UBE2O: variants seen among roughly 807,000 people sequenced by gnomAD.
UBE2O encodes the protein (E3-independent) E2 ubiquitin-conjugating enzyme.
UBE2O carries 15 observed loss-of-function variants against 125.8 expected under a neutral mutation model. The ratio of observed to expected loss-of-function variants is 0.12; its 90% confidence interval spans 0.08 to 0.18. The LOEUF (loss-of-function observed/expected upper bound fraction) is 0.18, where lower values mean the gene tolerates loss of function less well. Among genes scored for constraint, UBE2O ranks in the 10% least tolerant of loss-of-function variants. The probability of loss-of-function intolerance (pLI) is 1.00; values close to 1 mark genes in which losing one functional copy is unlikely to be tolerated. For synonymous variants in UBE2O, 708 were observed against 703.2 expected, an observed-to-expected ratio of 1.01 and a Z score of -0.11; for missense variants, 1,280 against 1,723.6, an observed-to-expected ratio of 0.74 and a Z score of 4.56.
chr17:76,447,387 G>A (rs1013137240), intron 1 of UBE2O, among the ~76,000 whole-genome samples: 1 of 152,216 alleles, frequency 6.6e-6, no homozygotes, highest in Non-Finnish European at 1.5e-5. Flanking sequence ...TGTTGTGAGC[G>A]TGAAGTAAAA....
At chr17:76,416,038 T>C (rs1598601685) in intron 1 of UBE2O, among the ~76,000 whole-genome samples, 1 of 135,116 alleles carries the variant, frequency 7.4e-6, no homozygotes. Context: ...CGTATATATG[T>C]GTGTGTACAT....
At chr17:76,418,351 G>A (rs1298289769) in intron 1 of UBE2O, among the ~76,000 whole-genome samples, 1 of 152,182 alleles carries the variant, frequency 6.6e-6, no homozygotes, top group Non-Finnish European at 1.5e-5. Context: ...AACTGTACTT[G>A]GACTATAGGA....
intron 1 of UBE2O, among the ~76,000 whole-genome samples, chr17:76,414,134 T>A (rs1486769960): frequency 6.6e-6 from 1 of 152,066 alleles, no homozygotes; most frequent in Non-Finnish European, 1.5e-5. Context: ...GGGCCTCACA[T>A]GCTTGGGGGA....
In UBE2O at chr17:76,400,034, G is replaced by A; in HGVS notation, c.1155+113C>T. The A allele has an allele frequency of 4.6e-6, 7 of 1,526,868 alleles. No homozygotes were observed. Among genetic ancestry groups the A allele is most frequent in the East Asian group, 4.5e-5 (2 of 44,292 alleles). The allele number at this position is 1,526,868 out of a possible 1,614,324, so 94.6% of individuals were successfully genotyped here. A position where few individuals can be genotyped will look rare whatever the true frequency, so the allele number is the denominator to read the frequency against. ...TGTATACACCTGAGTAGCCGGCAAG[G>A]GTCATCAGGGCTGCCCCCCAAGGCC... On this transcript the variant is annotated intron_variant, in intron 8 of 17. Transcript: ENST00000319380. This position sits in a 1 kb window ranked among gnomAD's most constrained non-coding sequence, Gnocchi z 4.3.
At position 76,398,547 on chromosome 17, in the gene UBE2O, T is replaced by A; in HGVS notation, c.1821A>T (p.Val607=). The A allele has an allele frequency of 1.2e-6, 2 of 1,614,030 alleles. No homozygotes were observed. The highest frequency in any genetic ancestry group is 1.7e-5 in the Admixed American group (1 of 60,008). ...SCPDPAVYGV[V]QSGDHIGRTC... ...TACGGCCGATGTGGTCCCCAGACTG[T>A]ACCACACCGTAGACAGCAGGGTCTG... Residue 607 remains valine, a synonymous_variant, in exon 11 of 18, where the codon GTA becomes GTT. Coordinates refer to ENST00000319380, the MANE Select transcript of UBE2O (RefSeq NM_022066.4). This position sits in a 1 kb window ranked among gnomAD's most constrained non-coding sequence, Gnocchi z 5.4.
chr17:76,416,089 A>G (rs1340089121), intron 1 of UBE2O, among the ~76,000 whole-genome samples: 2 of 151,700 alleles, frequency 1.3e-5, no homozygotes, highest in African/African-American at 4.9e-5. Flanking sequence ...ACATATGTAC[A>G]TACATGTATA....
Position 76,398,007 on chromosome 17 carries a change from C to T in UBE2O, c.2026-119G>A. On this transcript the variant is annotated intron_variant, in intron 12 of 17. Coordinates refer to ENST00000319380, the MANE Select transcript of UBE2O (RefSeq NM_022066.4). The surrounding 1 kb of genome is among the most constrained non-coding windows in gnomAD (Gnocchi z 5.4). ...CTGGCTTGTGACAAGGAACTTAGCT[C>T]CTCTGGTAAATGTAACCAGCGGCAG... is the stretch of plus-strand genomic sequence containing the variant. 8.5e-7 allele frequency: 1 copy of T among 1,170,468 alleles called. No homozygotes were observed. The highest frequency in any genetic ancestry group is 2.4e-5 in the East Asian group (1 of 41,344). The allele number at this position is 1,170,468 out of a possible 1,614,324, so 72.5% of individuals were successfully genotyped here.
Position 76,405,147 on chromosome 17 carries a change from G to T in UBE2O, c.588+59C>A. 2.2e-6 allele frequency: 3 copies of T among 1,335,104 alleles called. No individual in the cohort carries two copies. The highest frequency in any genetic ancestry group is 3.1e-6 in the Non-Finnish European group (3 of 952,964). 82.7% of individuals were successfully genotyped at this position (1,335,104 alleles called of 1,614,324 possible). A position where few individuals can be genotyped will look rare whatever the true frequency, so the allele number is the denominator to read the frequency against. ...CGGAGGAGGCTGTAGCCCAGAGGTC[G>T]TGCCGCCGAGAGAACCAGAGGGCCC... On this transcript the variant is annotated intron_variant, in intron 3 of 17. Coordinates refer to ENST00000319380, the MANE Select transcript of UBE2O (RefSeq NM_022066.4). The surrounding 1 kb of genome is among the most constrained non-coding windows in gnomAD (Gnocchi z 6.1).
chr17:76,420,779 C>G (rs938726998), intron 1 of UBE2O, among the ~76,000 whole-genome samples: 14 of 152,154 alleles, frequency 9.2e-5, no homozygotes, highest in African/African-American at 3.4e-4. Context: ...GTTGGTCCTG[C>G]CAGCATTCAA....
In UBE2O at chr17:76,391,338, C is replaced by A. The variant is rs142843663; in HGVS notation, c.3484G>T (p.Val1162Leu). Residue 1162 changes from valine to leucine, a missense_variant, in exon 18 of 18, where the codon GTG (valine) becomes TTG (leucine). Physicochemically the swap from Val to Leu is conservative, Grantham distance 32 (BLOSUM62 1). Transcript: ENST00000319380. This position sits in a 1 kb window ranked among gnomAD's most constrained non-coding sequence, Gnocchi z 8.4. ...LEKAQALPNG[V>L]PKASSSPEPP... ...TCTGGCGAGCTGCTGGCCTTGGGCA[C>A]CCCGTTGGGCAGTGCCTGGGCCTTC... is the stretch of plus-strand genomic sequence containing the variant. 160 of 1,613,022 alleles carry A rather than the reference C, an allele frequency of 9.9e-5. No homozygotes were observed. Among genetic ancestry groups the A allele is most frequent in the African/African-American group, 2.8e-4 (21 of 74,928 alleles).
chr17:76,414,228 C>T (rs1388558304), intron 1 of UBE2O, among the ~76,000 whole-genome samples: 1 of 152,186 alleles, frequency 6.6e-6, no homozygotes, highest in Non-Finnish European at 1.5e-5. Context: ...TCATGAGCTA[C>T]GGAAGCCATT....
chr17:76,436,225 C>G (rs1016476559), intron 1 of UBE2O, among the ~76,000 whole-genome samples: 27 of 151,938 alleles, frequency 1.8e-4, no homozygotes, highest in African/African-American at 6.3e-4. Context: ...CCAGCCTGGG[C>G]AACAAGAGCA....
intron 1 of UBE2O, among the ~76,000 whole-genome samples, chr17:76,411,901 T>C (rs2072523343): frequency 6.6e-6 from 1 of 152,126 alleles, no homozygotes; most frequent in Non-Finnish European, 1.5e-5. Context: ...CAGGCTGTTC[T>C]TGAACTCCTG....
At chr17:76,419,900 A>G (rs2143799124) in intron 1 of UBE2O, among the ~76,000 whole-genome samples, 1 of 152,356 alleles carries the variant, frequency 6.6e-6, no homozygotes, top group East Asian at 1.9e-4. Flanking sequence ...ATGCCGGCAG[A>G]AGGAGGCATG....
chr17:76,452,939 C>T lies in UBE2O; in HGVS notation c.203G>A (p.Gly68Asp). ...RLLFSHDLVS[G>D]RYRGSVHFGL... ...GAAGTGCACGGAGCCACGGTAACGG[C>T]CCGACACCAGGTCGTGAGAAAACAG... The change falls in exon 1 of 18, where the codon GGC becomes GAC. Residue 68 changes from glycine (G) to aspartate (D), a missense_variant. Gly to Asp is a moderately conservative substitution (Grantham distance 94). Coordinates refer to ENST00000319380, the MANE Select transcript of UBE2O (RefSeq NM_022066.4). This position sits in a 1 kb window ranked among gnomAD's most constrained non-coding sequence, Gnocchi z 4.4. The T allele has an allele frequency of 6.7e-7, 1 of 1,498,548 alleles. No individual in the cohort carries two copies. Among genetic ancestry groups the T allele is most frequent in the Non-Finnish European group, 8.9e-7 (1 of 1,123,600 alleles). The allele number at this position is 1,498,548 out of a possible 1,614,324, so 92.8% of individuals were successfully genotyped here. A position where few individuals can be genotyped will look rare whatever the true frequency, so the allele number is the denominator to read the frequency against.
chr17:76,429,815 G>A (rs1419891631), intron 1 of UBE2O, among the ~76,000 whole-genome samples: 1 of 152,168 alleles, frequency 6.6e-6, no homozygotes, highest in African/African-American at 2.4e-5. Flanking sequence ...TGCTCTTTTA[G>A]TGTGCAGACG....
chr17:76,450,976 A>C (rs370023180), intron 1 of UBE2O, among the ~76,000 whole-genome samples: 11 of 152,378 alleles, frequency 7.2e-5, no homozygotes, highest in African/African-American at 2.6e-4. Flanking sequence ...GTATAATTAC[A>C]CATAGTGCAG....
At chr17:76,423,587 G>T (rs1259416359) in intron 1 of UBE2O, among the ~76,000 whole-genome samples, 1 of 150,856 alleles carries the variant, frequency 6.6e-6, no homozygotes, top group Non-Finnish European at 1.5e-5. Context: ...CAGCTACTTG[G>T]GGGGCTGAGG....
chr17:76,397,823 G>A lies in UBE2O; in HGVS notation c.2091C>T (p.Asn697=). ...CCTGGGGCAGGATGATGGTCTTTGAGTTGTCAGCCCACACCACCTCCACCT... is the reference window on the plus strand; with the variant it reads ...CCTGGGGCAGGATGATGGTCTTTGAATTGTCAGCCCACACCACCTCCACCT... ...SSKVEVVWAD[N]SKTIILPQHL... is the part of the protein sequence containing the mutation. Residue 697 remains asparagine, a synonymous_variant, in exon 13 of 18, where the codon AAC becomes AAT. Transcript: ENST00000319380. 6.2e-7 allele frequency: 1 copy of A among 1,614,202 alleles called. No individual in the cohort carries two copies. The highest frequency in any genetic ancestry group is 2.2e-5 in the East Asian group (1 of 44,890).
Sources: allele counts gnomAD v4.1 joint callset (sites outside exome capture counted in the v4.1 genomes callset), GRCh38; gene constraint gnomAD v4.1.1; non-coding constraint Gnocchi (gnomAD v3.1); transcripts MANE v1.5; gene names NCBI Gene and HGNC (gene_info 2026-07-23, HGNC 2026-07-21).